Variants in PCDHA6 observed in about 807,000 individuals in gnomAD.
PCDHA6 encodes the protein protocadherin alpha 6.
A neutral mutation model predicts 60.3 loss-of-function variants in PCDHA6; 55 were observed. That is an observed-to-expected ratio of 0.91 (90% CI 0.73 to 1.14). PCDHA6 has a LOEUF of 1.14. PCDHA6 is among the 50% of genes most tolerant of loss of function. The probability of loss-of-function intolerance (pLI) is 0.00; values close to 1 mark genes in which losing one functional copy is unlikely to be tolerated. For synonymous variants in PCDHA6, 652 were observed against 557.9 expected, an observed-to-expected ratio of 1.17 and a Z score of -2.38; for missense variants, 1,327 against 1,256.5, an observed-to-expected ratio of 1.06 and a Z score of -0.85.
chr5:140,893,210 G>C (rs2063874103), intron 1 of PCDHA6, among the ~76,000 whole-genome samples: 1 of 152,204 alleles, frequency 6.6e-6, no homozygotes, highest in Non-Finnish European at 1.5e-5. Flanking sequence ...GTAAGTATGG[G>C]AGGTGCAGGT....
intron 1 of PCDHA6, among the ~76,000 whole-genome samples, chr5:140,920,226 T>C (rs190564528): frequency 6.6e-6 from 1 of 152,042 alleles, no homozygotes; most frequent in East Asian, 1.9e-4. Context: ...ACATTTATAG[T>C]ATTATATACC....
chr5:141,000,395 C>CTCTATA (rs1213762225), intron 3 of PCDHA6, among the ~76,000 whole-genome samples: 3 of 53,980 alleles, frequency 5.6e-5, no homozygotes, highest in East Asian at 6.1e-4. Flanking sequence ...CTCTCTCTCT[C>CTCTATA]TATATATATA....
intron 1 of PCDHA6, chr5:140,834,524 C>G: frequency 6.2e-7 from 1 of 1,614,088 alleles, no homozygotes; most frequent in African/African-American, 1.3e-5. Flanking sequence ...TCGTGGGCCG[C>G]ATCGCGCAGG....
At chr5:140,897,591 T>C (rs542451957) in intron 1 of PCDHA6, among the ~76,000 whole-genome samples, 1 of 152,312 alleles carries the variant, frequency 6.6e-6, no homozygotes, top group African/African-American at 2.4e-5. Flanking sequence ...TCTGTCATTG[T>C]TGGACATTTG....
At position 140,840,157 on chromosome 5, in the gene PCDHA6, G is replaced by T. The variant is rs1313215896; in HGVS notation, c.2394+9672G>T. 2.0e-5 allele frequency among the ~76,000 whole-genome samples: 3 copies of T among 151,986 alleles called. No homozygotes were observed. The East Asian group carries it at 5.8e-4, about 29-fold the overall frequency. ...AGAAATTATCACACGTGAAAGGAGA[G>T]ATGGGATGTATACAAATTTTAAATA... On this transcript the variant is annotated intron_variant, in intron 1 of 3. Transcript: ENST00000529310.
At chr5:140,857,189 A>C (rs782018937) in intron 1 of PCDHA6, 1 of 1,598,598 alleles carries the variant, frequency 6.3e-7, no homozygotes, top group Non-Finnish European at 8.6e-7. Context: ...TTCAGGAGCC[A>C]ACGGACAGGT....
intron 3 of PCDHA6, among the ~76,000 whole-genome samples, chr5:141,009,322 G>C (rs2098405890): frequency 6.6e-6 from 1 of 152,206 alleles, no homozygotes. Flanking sequence ...AGCCTGGCAT[G>C]GGAGCTTGTG....
intron 1 of PCDHA6, chr5:140,877,890 T>C (rs1554170211): frequency 6.9e-7 from 1 of 1,458,078 alleles, no homozygotes; most frequent in Non-Finnish European, 9.0e-7. Flanking sequence ...AGAACTTCCG[T>C]TTAGGTTATA....
chr5:140,937,259 G>T (rs1306999153), intron 1 of PCDHA6, among the ~76,000 whole-genome samples: 1 of 151,852 alleles, frequency 6.6e-6, no homozygotes, highest in African/African-American at 2.4e-5. Context: ...GGATGGTCTC[G>T]ATCTCCTGAC....
chr5:140,851,165 G>T, intron 1 of PCDHA6: 1 of 1,284,508 alleles, frequency 7.8e-7, no homozygotes, highest in Non-Finnish European at 1.0e-6. Flanking sequence ...ATGCTATGCT[G>T]CCATAACACT....
rs530482397 is a variant in PCDHA6, at chr5:140,923,460, T to C, written c.2395-55489T>C. ...GGAGGATCACCTGAGCCCAGAGAGG[T>C]AGGGGCTGCAGTGAGCCATCTTCAC... On this transcript the variant is annotated intron_variant, in intron 1 of 3. Coordinates refer to ENST00000529310, the MANE Select transcript of PCDHA6 (RefSeq NM_018909.4). Among the ~76,000 whole-genome samples, 704 of 151,994 alleles carry C rather than the reference T, an allele frequency of 4.6e-3. 3 individuals carry two copies. Among genetic ancestry groups the C allele is most frequent in the African/African-American group, 0.016 (681 of 41,446 alleles).
intron 1 of PCDHA6, chr5:140,848,977 A>T (rs2150427682): frequency 1.2e-6 from 2 of 1,600,464 alleles, no homozygotes; most frequent in South Asian, 1.1e-5. Flanking sequence ...TCCGATGCAG[A>T]TATCGGGGAG....
At chr5:140,903,942 A>G (rs1279645269) in intron 1 of PCDHA6, among the ~76,000 whole-genome samples, 5 of 152,212 alleles carry the variant, frequency 3.3e-5, no homozygotes, top group African/African-American at 1.2e-4. Flanking sequence ...TACCTCTTAA[A>G]TACTGGAAAA....
chr5:140,842,157 A>C, intron 1 of PCDHA6: 1 of 1,613,874 alleles, frequency 6.2e-7, no homozygotes, highest in Non-Finnish European at 8.5e-7. Flanking sequence ...GCAATTTCAT[A>C]TTCTTTTAAT....
rs2150361317 is a variant in PCDHA6, at chr5:140,843,502, C to A, written c.2394+13017C>A. The A allele has an allele frequency of 3.1e-6, 5 of 1,595,926 alleles. 1 individual carries two copies. The highest frequency in any genetic ancestry group is 4.3e-6 in the Non-Finnish European group (5 of 1,165,570). On this transcript the variant is annotated intron_variant, in intron 1 of 3. Transcript: ENST00000529310. ...CTGCGCTGCGGTGCTCAGCACTGCC[C>A]ACTGAGGGCGGGTGCCGGGCGGGCA...
At chr5:140,848,361 A>G in intron 1 of PCDHA6, 1 of 1,069,062 alleles carries the variant, frequency 9.4e-7, no homozygotes, top group East Asian at 2.4e-5. Context: ...TTCCCATGGG[A>G]AAGAGGCTCA....
intron 1 of PCDHA6, among the ~76,000 whole-genome samples, chr5:140,925,390 G>A (rs968466600): frequency 6.6e-6 from 1 of 152,032 alleles, no homozygotes; most frequent in Non-Finnish European, 1.5e-5. Flanking sequence ...GTCTCCTTTT[G>A]GCTCGCCTCC....
chr5:140,869,178 G>T (rs200717410), intron 1 of PCDHA6: 1 of 1,613,988 alleles, frequency 6.2e-7, no homozygotes, highest in East Asian at 2.2e-5. Flanking sequence ...AATTCTGGGA[G>T]GTGGGGAGCG....
chr5:140,941,239 C>CTTTCTTTCTTTCTTTA (rs2092937531), intron 1 of PCDHA6, among the ~76,000 whole-genome samples: 1 of 134,502 alleles, frequency 7.4e-6, no homozygotes, highest in African/African-American at 2.9e-5. Context: ...TTCTTTCTTT[C>CTTTCTTTCTTTCTTTA]TTTCTTTCTT....
Sources: allele counts gnomAD v4.1 joint callset (sites outside exome capture counted in the v4.1 genomes callset), GRCh38; gene constraint gnomAD v4.1.1; transcripts MANE v1.5; gene names NCBI Gene and HGNC (gene_info 2026-07-23, HGNC 2026-07-21).